Variants in ERC2 observed in about 807,000 individuals in gnomAD.
ERC2 encodes the protein ELKS/RAB6-interacting/CAST family member 2.
Under a neutral mutation model 114.8 loss-of-function variants are expected in ERC2, and 42 were observed. The ratio of observed to expected loss-of-function variants is 0.37; its 90% confidence interval spans 0.29 to 0.47. The LOEUF is 0.47. Among genes scored for constraint, ERC2 ranks in the 20% least tolerant of loss-of-function variants. The pLI is 0.99. For synonymous variants in ERC2, 454 were observed against 425.5 expected, an observed-to-expected ratio of 1.07 and a Z score of -0.82; for missense variants, 939 against 1,150.7, an observed-to-expected ratio of 0.82 and a Z score of 2.66.
intron 3 of ERC2, among the ~76,000 whole-genome samples, chr3:56,245,875 C>G (rs2150217279): frequency 6.6e-6 from 1 of 152,156 alleles, no homozygotes; most frequent in South Asian, 2.1e-4. Context: ...AAATTTCCTT[C>G]CCTACCTGAA....
At chr3:55,621,726 G>A (rs759381883) in intron 17 of ERC2, among the ~76,000 whole-genome samples, 8 of 152,218 alleles carry the variant, frequency 5.3e-5, no homozygotes, top group Non-Finnish European at 1.0e-4. Context: ...TTGGGAAAAA[G>A]AATTCCTAGT....
intron 2 of ERC2, among the ~76,000 whole-genome samples, chr3:56,299,166 C>T (rs1282125907): frequency 3.5e-5 from 5 of 141,800 alleles, no homozygotes; most frequent in Admixed American, 7.3e-5. Context: ...CTCGTCCTGT[C>T]GCCCAGGCTG....
intron 14 of ERC2, among the ~76,000 whole-genome samples, chr3:55,822,130 T>C (rs933474525): frequency 6.6e-6 from 1 of 152,238 alleles, no homozygotes; most frequent in South Asian, 2.1e-4. Flanking sequence ...ATTTATTCTA[T>C]TGGCTTATTA....
chr3:56,072,915 T>C (rs1043176509), intron 7 of ERC2, among the ~76,000 whole-genome samples: 2 of 152,170 alleles, frequency 1.3e-5, no homozygotes, highest in Non-Finnish European at 2.9e-5. Context: ...TTAGTCGATA[T>C]CATGATAAGA....
chr3:55,625,525 A>G (rs538797118), intron 17 of ERC2, among the ~76,000 whole-genome samples: 1 of 151,926 alleles, frequency 6.6e-6, no homozygotes, highest in East Asian at 1.9e-4. Flanking sequence ...GCCGAGGCTG[A>G]TGGATCATGA....
intron 13 of ERC2, among the ~76,000 whole-genome samples, chr3:55,891,984 C>T (rs2063630927): frequency 6.6e-6 from 1 of 152,150 alleles, no homozygotes; most frequent in Admixed American, 6.5e-5. Context: ...TAGTTTGTGT[C>T]TTCATCACCA....
rs529108312 is a variant in ERC2 at position 55,831,872 on chromosome 3, G to A, written c.2564+56517C>T. Among the ~76,000 whole-genome samples the A allele has an allele frequency of 3.3e-5, 5 of 152,292 alleles. No individual in the cohort carries two copies. In the South Asian group the frequency reaches 8.3e-4, roughly 25 times the overall value. On this transcript the variant is annotated intron_variant, in intron 14 of 17. Coordinates refer to ENST00000288221, the MANE Select transcript of ERC2 (RefSeq NM_015576.3). ...CTAGTCAAAGAAAGGGGTGACAGACGGCACCTGGAAAATCGGGTCACTCCC... is the reference window on the plus strand; with the variant it reads ...CTAGTCAAAGAAAGGGGTGACAGACAGCACCTGGAAAATCGGGTCACTCCC...
Position 56,245,311 on chromosome 3 carries a change from ATG to A in ERC2, c.1074+50706_1074+50707del, listed in dbSNP as rs1295800002. Among the ~76,000 whole-genome samples, 7 of 152,158 alleles carry A rather than the reference ATG, an allele frequency of 4.6e-5. No homozygotes were observed. The East Asian group carries it at 1.2e-3, about 25-fold the overall frequency. ...GAACATAATATGAATTCAACTCACTATGAGACGTATTACCACTCATCCTCAAA... is the reference window on the plus strand; with the variant it reads ...GAACATAATATGAATTCAACTCACTAAGACGTATTACCACTCATCCTCAAA... On this transcript the variant is annotated intron_variant, in intron 3 of 17. Coordinates refer to ENST00000288221, the MANE Select transcript of ERC2 (RefSeq NM_015576.3).
At chr3:56,218,923 G>T (rs1363967411) in intron 3 of ERC2, among the ~76,000 whole-genome samples, 1 of 152,098 alleles carries the variant, frequency 6.6e-6, no homozygotes, top group Admixed American at 6.5e-5. Context: ...CTCACTCATA[G>T]GTGGGAACTG....
intron 17 of ERC2, among the ~76,000 whole-genome samples, chr3:55,624,303 G>A (rs1165480319): frequency 2.6e-5 from 4 of 152,232 alleles, no homozygotes; most frequent in Non-Finnish European, 5.9e-5. Context: ...GCCCATGCGG[G>A]AGGAATGTGA....
chr3:56,458,805 G>A (rs901116275), intron 1 of ERC2, among the ~76,000 whole-genome samples: 1 of 152,042 alleles, frequency 6.6e-6, no homozygotes, highest in Non-Finnish European at 1.5e-5. Context: ...TCACCAGAAG[G>A]AAAGAAAAGA....
chr3:56,083,273 A>AC (rs1186912140), intron 6 of ERC2, among the ~76,000 whole-genome samples: 2 of 152,146 alleles, frequency 1.3e-5, no homozygotes, highest in African/African-American at 2.4e-5. Context: ...TCTCAAAAGC[A>AC]CCCCGAGTGA....
chr3:56,270,257 G>A lies in ERC2; in HGVS notation c.1074+25762C>T, dbSNP rs559826362. ...AAATTTTTCCTTGAACAACTGCCAG[G>A]CCTACAGGCAGATCTTCCAATACAA... On this transcript the variant is annotated intron_variant, in intron 3 of 17. Transcript: ENST00000288221. Among the ~76,000 whole-genome samples, 3 of 152,106 alleles carry A rather than the reference G, an allele frequency of 2.0e-5. No homozygotes were observed. The South Asian group carries it at 6.2e-4, about 32-fold the overall frequency.
intron 17 of ERC2, chr3:55,659,435 T>A (rs1175684155): frequency 6.6e-6 from 1 of 152,144 alleles, no homozygotes; most frequent in Non-Finnish European, 1.5e-5. Context: ...CCCCTCCTCC[T>A]CAGATAGCTC....
At chr3:55,592,126 T>C (rs1194940826) in intron 17 of ERC2, among the ~76,000 whole-genome samples, 1 of 152,206 alleles carries the variant, frequency 6.6e-6, no homozygotes, top group Non-Finnish European at 1.5e-5. Flanking sequence ...CAGCCTTCCT[T>C]GAGCCTCTGG....
At chr3:55,738,663 C>T (rs1324558728) in intron 14 of ERC2, among the ~76,000 whole-genome samples, 2 of 152,152 alleles carry the variant, frequency 1.3e-5, no homozygotes, top group African/African-American at 4.8e-5. Flanking sequence ...CCTGTGTCTA[C>T]TTTCAGCCTG....
chr3:56,388,396 C>G (rs1304085927), intron 2 of ERC2, among the ~76,000 whole-genome samples: 1 of 152,168 alleles, frequency 6.6e-6, no homozygotes, highest in Non-Finnish European at 1.5e-5. Context: ...CATGCTGGCT[C>G]CCCTTCACTT....
intron 13 of ERC2, among the ~76,000 whole-genome samples, chr3:55,897,602 C>G (rs572664138): frequency 6.6e-6 from 1 of 152,272 alleles, no homozygotes; most frequent in East Asian, 1.9e-4. Context: ...TGGCCCAGCA[C>G]AACTCTGGAC....
intron 1 of ERC2, among the ~76,000 whole-genome samples, chr3:56,435,526 C>G (rs949808206): frequency 6.6e-6 from 1 of 152,190 alleles, no homozygotes; most frequent in Non-Finnish European, 1.5e-5. Context: ...TAAAAAGGCC[C>G]CTCCTTTGGG....
Sources: allele counts gnomAD v4.1 joint callset (sites outside exome capture counted in the v4.1 genomes callset), GRCh38; gene constraint gnomAD v4.1.1; transcripts MANE v1.5; gene names NCBI Gene and HGNC (gene_info 2026-07-23, HGNC 2026-07-21).